Variants in CEP112 observed in about 807,000 individuals in gnomAD.
The protein encoded by CEP112 is centrosomal protein of 112 kDa.
In CEP112, 127 loss-of-function variants were observed where a neutral mutation model predicts 153.0. The ratio of observed to expected loss-of-function variants is 0.83; its 90% CI spans 0.72 to 0.96. The LOEUF is 0.96. Ranked by LOEUF, CEP112 falls within the 40% of genes least tolerant of loss-of-function variation. CEP112 has a pLI of 0.00. For synonymous variants in CEP112, 358 were observed against 374.4 expected (o/e 0.96, Z 0.51); for missense variants, 1,089 against 1,101.2 (o/e 0.99, Z 0.16).
intron 18 of CEP112, among the ~76,000 whole-genome samples, chr17:65,950,115 A>C (rs918685994): frequency 6.6e-6 from 1 of 152,202 alleles, no homozygotes; most frequent in Non-Finnish European, 1.5e-5. Flanking sequence ...ACAACTTTAC[A>C]TGCCCAGCAG....
rs1294161407 is a variant in CEP112, at chr17:66,132,857, G to A, written c.471-94C>T. On this transcript the variant is annotated intron_variant, in intron 4 of 26. Transcript: ENST00000535342. ...ATTACCATTTCTTTCCCTTGGAACT[G>A]AGATGATAGTTTGTATTAACAATGA... 4.7e-6 allele frequency: 4 copies of A among 858,042 alleles called. No homozygotes were observed. In the African/African-American group the frequency reaches 5.0e-5, roughly 11 times the overall value. The allele number at this position is 858,042 out of a possible 1,614,324, so 53.2% of individuals were successfully genotyped here. A position where few individuals can be genotyped will look rare whatever the true frequency, so the allele number is the denominator to read the frequency against.
chr17:65,638,898 T>TA (rs1209456307), intron 25 of CEP112, among the ~76,000 whole-genome samples: 8 of 129,824 alleles, frequency 6.2e-5, no homozygotes, highest in African/African-American at 3.5e-4. Flanking sequence ...ATCAGATTCC[T>TA]TTTTTTTTCC....
At chr17:65,853,725 C>G (rs1022380541) in intron 20 of CEP112, among the ~76,000 whole-genome samples, 2 of 84,810 alleles carry the variant, frequency 2.4e-5, no homozygotes, top group African/African-American at 8.6e-5. Flanking sequence ...GAGACTCCAT[C>G]TAAAAAAAAA....
chr17:65,845,388 T>C (rs1277251397), intron 21 of CEP112, among the ~76,000 whole-genome samples: 2 of 152,132 alleles, frequency 1.3e-5, no homozygotes, highest in Non-Finnish European at 2.9e-5. Flanking sequence ...ATGAAAACAA[T>C]ATTTTCAAAG....
At position 66,029,169 on chromosome 17, in the gene CEP112, G is replaced by A. The variant is rs773852432; in HGVS notation, c.1457C>T (p.Ala486Val). ...TTCTTGTTTTAGAAGGTTTATATCA[G>A]CATCATATTTGGTTTGTAACAGTTT... ...NMKLLQTKYDADINLLKQEHA... is the reference protein window; with the variant it reads ...NMKLLQTKYDVDINLLKQEHA... Residue 486 changes from alanine (A) to valine (V), a missense_variant, in exon 14 of 27, where the codon GCT becomes GTT. Physicochemically the swap from Ala to Val is moderately conservative, Grantham distance 64. Coordinates refer to ENST00000535342, the MANE Select transcript of CEP112 (RefSeq NM_001199165.4). 8 of 1,608,646 alleles carry A rather than the reference G, an allele frequency of 5.0e-6. No individual in the cohort carries two copies. Among genetic ancestry groups the A allele is most frequent in the Non-Finnish European group, 6.8e-6 (8 of 1,175,754 alleles).
intron 21 of CEP112, among the ~76,000 whole-genome samples, chr17:65,849,938 G>A (rs59286469): frequency 2.0e-5 from 3 of 152,082 alleles, no homozygotes; most frequent in African/African-American, 2.4e-5. Flanking sequence ...TGGATTGTCC[G>A]AAGTCAGGAG....
intron 17 of CEP112, among the ~76,000 whole-genome samples, chr17:65,997,008 C>T (rs1032455222): frequency 2.0e-5 from 3 of 152,014 alleles, no homozygotes; most frequent in African/African-American, 4.8e-5. Flanking sequence ...CAGGAGTTCA[C>T]GACCAGTCTG....
At chr17:66,146,959 G>A (rs1028222560) in intron 4 of CEP112, among the ~76,000 whole-genome samples, 14 of 152,090 alleles carry the variant, frequency 9.2e-5, no homozygotes, top group African/African-American at 2.9e-4. Context: ...AAATAATGCT[G>A]CTATGAAGAT....
chr17:65,855,785 C>T (rs1418563863), intron 20 of CEP112, among the ~76,000 whole-genome samples: 8 of 152,084 alleles, frequency 5.3e-5, no homozygotes, highest in Admixed American at 6.6e-5. Context: ...CGTAATAGGC[C>T]GGGTGTGTTG....
Position 65,826,000 on chromosome 17 carries a change from A to C in CEP112, c.2394+25804T>G, listed in dbSNP as rs75168639. ...CCTTATTTCTGTTCAATGTGATTGC[A>C]GTTTGTTCCATCATCCCTGCCCTAT... On this transcript the variant is annotated intron_variant, in intron 21 of 26. Transcript: ENST00000535342. 8.8e-4 allele frequency: 696 copies of C among 789,426 alleles called. 4 individuals carry two copies. The African/African-American group carries it at 0.011, about 12-fold the overall frequency. 48.9% of individuals were successfully genotyped at this position (789,426 alleles called of 1,614,324 possible).
At chr17:66,070,852 T>A (rs9899574) in intron 8 of CEP112, among the ~76,000 whole-genome samples, 2 of 152,118 alleles carry the variant, frequency 1.3e-5, no homozygotes, top group Admixed American at 1.3e-4. Context: ...AATCCCACCA[T>A]ATATGCACTG....
At chr17:65,918,202 TAAAATA>T (rs1005837380) in intron 19 of CEP112, among the ~76,000 whole-genome samples, 15 of 149,688 alleles carry the variant, frequency 1.0e-4, no homozygotes, top group Non-Finnish European at 1.8e-4. Flanking sequence ...AAATTAAAAT[TAAAATA>T]AAAGAAGCCT....
At chr17:66,138,404 A>T (rs2146590888) in intron 4 of CEP112, among the ~76,000 whole-genome samples, 1 of 152,310 alleles carries the variant, frequency 6.6e-6, no homozygotes, top group Non-Finnish European at 1.5e-5. Flanking sequence ...AAATAAGACA[A>T]ACGTTAAGTT....
chr17:65,878,027 T>A (rs897642766), intron 20 of CEP112, among the ~76,000 whole-genome samples: 2 of 152,204 alleles, frequency 1.3e-5, no homozygotes, highest in Non-Finnish European at 2.9e-5. Flanking sequence ...AGGCAACTCC[T>A]CATTCCAGGG....
chr17:65,988,168 T>G (rs1325247983), intron 17 of CEP112, among the ~76,000 whole-genome samples: 1 of 152,128 alleles, frequency 6.6e-6, no homozygotes, highest in African/African-American at 2.4e-5. Context: ...ACTCTGATTG[T>G]TTACTAGAAC....
intron 21 of CEP112, among the ~76,000 whole-genome samples, chr17:65,850,488 T>C (rs2057891059): frequency 6.6e-6 from 1 of 152,194 alleles, no homozygotes; most frequent in African/African-American, 2.4e-5. Flanking sequence ...CAGGTTTTAC[T>C]ACCTTCATTG....
intron 21 of CEP112, among the ~76,000 whole-genome samples, chr17:65,771,602 A>G (rs1555649059): frequency 6.6e-6 from 1 of 152,220 alleles, no homozygotes; most frequent in Non-Finnish European, 1.5e-5. Context: ...ATTAAAAAGG[A>G]TTGATCTCAT....
chr17:66,121,975 A>C (rs1598394141), intron 6 of CEP112, among the ~76,000 whole-genome samples: 1 of 151,662 alleles, frequency 6.6e-6, no homozygotes, highest in Admixed American at 6.6e-5. Flanking sequence ...GCTCTCTGCA[A>C]CCTCCACTTC....
intron 16 of CEP112, among the ~76,000 whole-genome samples, chr17:66,007,908 T>A (rs2064341531): frequency 1.3e-5 from 2 of 152,306 alleles, no homozygotes; most frequent in Admixed American, 1.3e-4. Context: ...TTTCTTAGAT[T>A]TATTGCTAGC....
Sources: gnomAD v4.1 joint callset for allele counts (sites outside exome capture counted in the v4.1 genomes callset) on GRCh38, gnomAD v4.1.1 for gene constraint, MANE v1.5 for transcripts, NCBI Gene and HGNC (gene_info 2026-07-23, HGNC 2026-07-21) for gene names.